SGIP1: variants seen among roughly 807,000 people sequenced by gnomAD.
The protein encoded by SGIP1 is SH3GL interacting endocytic adaptor 1.
Under a neutral mutation model 107.5 loss-of-function variants are expected in SGIP1, and 38 were observed. That is an observed-to-expected ratio of 0.35 (90% CI 0.27 to 0.46). SGIP1 has a LOEUF of 0.46. Among genes scored for constraint, SGIP1 ranks in the 20% least tolerant of loss-of-function variants. SGIP1 has a pLI of 1.00. For synonymous variants in SGIP1, 365 were observed against 366.1 expected (o/e 1.00, Z 0.03); for missense variants, 929 against 1,019.5 (o/e 0.91, Z 1.21).
intron 18 of SGIP1, among the ~76,000 whole-genome samples, chr1:66,697,163 TGAGA>T (rs1012028337): frequency 1.3e-5 from 2 of 151,654 alleles, no homozygotes; most frequent in African/African-American, 2.4e-5. Flanking sequence ...GGACCTCTTT[TGAGA>T]GAGAGAGAGA....
At chr1:66,571,338 A>T (rs958836180) in intron 1 of SGIP1, among the ~76,000 whole-genome samples, 22 of 152,032 alleles carry the variant, frequency 1.4e-4, no homozygotes, top group African/African-American at 5.1e-4. Context: ...CTAGTACAAC[A>T]TGAGACAGTG....
chr1:66,572,589 G>A (rs1281987934), intron 1 of SGIP1, among the ~76,000 whole-genome samples: 1 of 151,984 alleles, frequency 6.6e-6, no homozygotes, highest in Non-Finnish European at 1.5e-5. Context: ...TTGAAAACAT[G>A]CACTTCCCTT....
At chr1:66,541,231 C>G (rs550627407) in intron 1 of SGIP1, among the ~76,000 whole-genome samples, 76 of 152,332 alleles carry the variant, frequency 5.0e-4, no homozygotes, top group African/African-American at 1.8e-3. Flanking sequence ...AGGCATTATT[C>G]TAAGTGCTAT....
Position 66,566,867 on chromosome 1 carries a change from C to T in SGIP1, c.10+32499C>T, listed in dbSNP as rs542775260. Among the ~76,000 whole-genome samples, 7 of 152,042 alleles carry T rather than the reference C, an allele frequency of 4.6e-5. No homozygotes were observed. In the South Asian group the frequency reaches 1.5e-3, roughly 32 times the overall value. ...CTAATGCTCTCCCTCCCCTTGCCCCCCACCCCCTAACAGGGTCCGGTGTGT... is the reference window on the plus strand; with the variant it reads ...CTAATGCTCTCCCTCCCCTTGCCCCTCACCCCCTAACAGGGTCCGGTGTGT... On this transcript the variant is annotated intron_variant, in intron 1 of 24. Coordinates refer to ENST00000371037, the MANE Select transcript of SGIP1 (RefSeq NM_032291.4).
intron 7 of SGIP1, among the ~76,000 whole-genome samples, chr1:66,654,454 A>G (rs925344369): frequency 6.6e-6 from 1 of 152,078 alleles, no homozygotes; most frequent in Admixed American, 6.6e-5. Context: ...TTTATCAATG[A>G]TTATCTTTCT....
At chr1:66,660,199 G>GAA (rs760459457) in intron 7 of SGIP1, 5 of 188,926 alleles carry the variant, frequency 2.6e-5, no homozygotes, top group African/African-American at 2.1e-4. Context: ...AAGAAAGAAA[G>GAA]AAAGAAAGAA....
At chr1:66,644,994 C>G (rs1488158913) in intron 7 of SGIP1, among the ~76,000 whole-genome samples, 1 of 152,176 alleles carries the variant, frequency 6.6e-6, no homozygotes, top group Admixed American at 6.5e-5. Context: ...AAAGCACACT[C>G]TTTCACTTTT....
At chr1:66,555,225 T>C (rs571718130) in intron 1 of SGIP1, among the ~76,000 whole-genome samples, 11 of 152,232 alleles carry the variant, frequency 7.2e-5, no homozygotes, top group Non-Finnish European at 1.5e-4. Context: ...CCTCCTCATA[T>C]ACATAGTGCT....
intron 1 of SGIP1, among the ~76,000 whole-genome samples, chr1:66,614,162 T>C (rs562563857): frequency 2.2e-4 from 33 of 152,278 alleles, no homozygotes; most frequent in South Asian, 1.0e-3. Flanking sequence ...AAATAGAAGA[T>C]CTGTAAGTAA....
chr1:66,733,994 C>A (rs1422434447), intron 21 of SGIP1, 114 bp downstream of exon 21: 1 of 1,158,908 alleles, frequency 8.6e-7, no homozygotes, highest in African/African-American at 1.6e-5. Context: ...TATTTAAAAG[C>A]TATAACTCAT....
At chr1:66,664,728 T>C (rs2082179568) in intron 8 of SGIP1, among the ~76,000 whole-genome samples, 1 of 152,214 alleles carries the variant, frequency 6.6e-6, no homozygotes, top group Non-Finnish European at 1.5e-5. Flanking sequence ...GTGTTTGTGC[T>C]CCTAGTTTTG....
chr1:66,570,870 A>G (rs1245534794), intron 1 of SGIP1, among the ~76,000 whole-genome samples: 1 of 151,884 alleles, frequency 6.6e-6, no homozygotes, highest in Admixed American at 6.6e-5. Flanking sequence ...TTCCTGTCTC[A>G]GGTCATATCC....
At chr1:66,679,566 C>T in intron 13 of SGIP1, 112 bp from the exon 14 acceptor site, 2 of 1,102,468 alleles carry the variant, frequency 1.8e-6, no homozygotes, top group Non-Finnish European at 2.6e-6. Flanking sequence ...ATTGCTATTC[C>T]ATTTCCAATA....
chr1:66,596,085 G>A (rs1323126026), intron 1 of SGIP1, among the ~76,000 whole-genome samples: 2 of 152,176 alleles, frequency 1.3e-5, no homozygotes, highest in Non-Finnish European at 2.9e-5. Context: ...CATAAAACAG[G>A]TGAAATCTGA....
At chr1:66,591,615 G>A (rs2063641499) in intron 1 of SGIP1, among the ~76,000 whole-genome samples, 1 of 152,140 alleles carries the variant, frequency 6.6e-6, no homozygotes, top group African/African-American at 2.4e-5. Flanking sequence ...TCGTCAGGTG[G>A]GACAAGAGAC....
chr1:66,712,202 A>G (rs1320566832), intron 18 of SGIP1, among the ~76,000 whole-genome samples: 1 of 152,170 alleles, frequency 6.6e-6, no homozygotes, highest in African/African-American at 2.4e-5. Context: ...TACATAATAG[A>G]TACTACCATT....
chr1:66,566,574 G>A (rs2059669328), intron 1 of SGIP1, among the ~76,000 whole-genome samples: 1 of 151,826 alleles, frequency 6.6e-6, no homozygotes, highest in Admixed American at 6.6e-5. Context: ...CATACCACTC[G>A]ATGGGTCTAG....
At chr1:66,634,321 C>T (rs138024856) in intron 3 of SGIP1, among the ~76,000 whole-genome samples, 52 of 152,258 alleles carry the variant, frequency 3.4e-4, no homozygotes, top group African/African-American at 1.1e-3. Flanking sequence ...CTACCTCTGC[C>T]ACTCTCAGTC....
chr1:66,542,383 A>G (rs1442276061), intron 1 of SGIP1, among the ~76,000 whole-genome samples: 20 of 152,152 alleles, frequency 1.3e-4, no homozygotes, highest in Non-Finnish European at 1.9e-4. Context: ...TACAGTATGC[A>G]CCTCTCTTCT....
Sources: allele counts gnomAD v4.1 joint callset (sites outside exome capture counted in the v4.1 genomes callset), GRCh38; gene constraint gnomAD v4.1.1; transcripts MANE v1.5; gene names NCBI Gene and HGNC (gene_info 2026-07-23, HGNC 2026-07-21).